CADPS: variants seen among roughly 807,000 people sequenced by gnomAD.
CADPS encodes calcium dependent secretion activator.
CADPS carries 57 observed loss-of-function variants against 167.3 expected under a neutral mutation model. That is an observed-to-expected ratio of 0.34 (90% CI 0.28 to 0.42). CADPS has a LOEUF of 0.42. Among genes scored for constraint, CADPS ranks in the 20% least tolerant of loss-of-function variants. The pLI is 1.00. For synonymous variants in CADPS, 676 were observed against 635.3 expected (o/e 1.06, Z -0.96); for missense variants, 1,414 against 1,738.1 (o/e 0.81, Z 3.32).
At chr3:62,557,329 C>T in intron 10 of CADPS, 76 bp downstream of exon 10, 2 of 978,814 alleles carry the variant, frequency 2.0e-6, no homozygotes, top group South Asian at 1.3e-5. Flanking sequence ...AGTAAGTGCC[C>T]AGCAATTATT....
rs767413788 is a variant in CADPS at position 62,875,036 on chromosome 3, G to C, written c.-7C>G. On this transcript the variant is annotated 5_prime_UTR_variant, in exon 1 of 30. Coordinates refer to ENST00000383710, the MANE Select transcript of CADPS (RefSeq NM_003716.4). ...TGGACGAAGGGTCCAGCATAGTGGC[G>C]CCTGGGGAGCGGGGTCTCTGGAGCC... 1 of 1,580,778 alleles carries C rather than the reference G, an allele frequency of 6.3e-7. No homozygotes were observed. The highest frequency in any genetic ancestry group is 1.7e-5 in the Admixed American group (1 of 57,602).
At chr3:62,567,832 C>G (rs951445884) in intron 9 of CADPS, among the ~76,000 whole-genome samples, 2 of 152,106 alleles carry the variant, frequency 1.3e-5, no homozygotes, top group Admixed American at 6.6e-5. Flanking sequence ...TCCTCAGCTT[C>G]TCAAAGTGCT....
At chr3:62,762,104 G>T (rs1306043321) in intron 2 of CADPS, among the ~76,000 whole-genome samples, 1 of 152,096 alleles carries the variant, frequency 6.6e-6, no homozygotes, top group South Asian at 2.1e-4. Context: ...AGATGGAAAA[G>T]GAATAGCACC....
At chr3:62,435,975 A>C (rs1214845552) in intron 28 of CADPS, among the ~76,000 whole-genome samples, 1 of 152,060 alleles carries the variant, frequency 6.6e-6, no homozygotes, top group Non-Finnish European at 1.5e-5. Flanking sequence ...TAATTAATTA[A>C]TTAATTAATT....
At chr3:62,862,942 G>A (rs1054078191) in intron 1 of CADPS, among the ~76,000 whole-genome samples, 4 of 152,112 alleles carry the variant, frequency 2.6e-5, no homozygotes, top group Admixed American at 6.5e-5. Flanking sequence ...TTTATAACTC[G>A]TCTCACATAT....
At chr3:62,579,207 G>T (rs1578155517) in intron 8 of CADPS, among the ~76,000 whole-genome samples, 1 of 152,310 alleles carries the variant, frequency 6.6e-6, no homozygotes, top group South Asian at 2.1e-4. Context: ...CTCAGTTAAG[G>T]TTGGATCGAA....
At chr3:62,807,062 T>C (rs778976363) in intron 1 of CADPS, among the ~76,000 whole-genome samples, 25 of 152,324 alleles carry the variant, frequency 1.6e-4, no homozygotes, top group Non-Finnish European at 2.9e-4. Context: ...TTTCATGATA[T>C]ATTATTGCAC....
chr3:62,850,057 ATT>A (rs1200679284), intron 1 of CADPS, among the ~76,000 whole-genome samples: 2 of 109,928 alleles, frequency 1.8e-5, no homozygotes, highest in Admixed American at 1.8e-4. Flanking sequence ...TTTCTAGTTT[ATT>A]TGTGTAGAGG....
intron 21 of CADPS, among the ~76,000 whole-genome samples, chr3:62,486,871 T>C (rs1277833705): frequency 1.3e-5 from 2 of 152,202 alleles, no homozygotes; most frequent in East Asian, 3.9e-4. Flanking sequence ...TTATACATGC[T>C]TTTAATTACA....
At chr3:62,609,231 T>C (rs76306299) in intron 6 of CADPS, among the ~76,000 whole-genome samples, 13 of 151,292 alleles carry the variant, frequency 8.6e-5, no homozygotes, top group Middle Eastern at 3.4e-3. Context: ...TTTTTTTTTT[T>C]CTTTTTTGTG....
intron 3 of CADPS, among the ~76,000 whole-genome samples, chr3:62,671,278 T>TG (rs2150772222): frequency 6.6e-6 from 1 of 152,072 alleles, no homozygotes; most frequent in South Asian, 2.1e-4. Context: ...GATACAGCTG[T>TG]GTTTTTTTTT....
chr3:62,571,739 T>G (rs1317683086), intron 8 of CADPS, among the ~76,000 whole-genome samples: 2 of 152,080 alleles, frequency 1.3e-5, no homozygotes, highest in African/African-American at 2.4e-5. Context: ...TAATTTTGTA[T>G]TTTTGATAGA....
chr3:62,674,121 T>C (rs994038576), intron 3 of CADPS, among the ~76,000 whole-genome samples: 2 of 152,196 alleles, frequency 1.3e-5, no homozygotes, highest in African/African-American at 2.4e-5. Context: ...TTTGTGAATG[T>C]GTACGTGCAT....
At chr3:62,721,431 AAAGTT>A (rs2075812875) in intron 3 of CADPS, among the ~76,000 whole-genome samples, 1 of 152,174 alleles carries the variant, frequency 6.6e-6, no homozygotes, top group African/African-American at 2.4e-5. Context: ...CAACAGTAGG[AAAGTT>A]GGAAAATTGA....
intron 24 of CADPS, among the ~76,000 whole-genome samples, chr3:62,470,209 T>C (rs886911649): frequency 6.6e-6 from 1 of 152,196 alleles, no homozygotes; most frequent in East Asian, 1.9e-4. Flanking sequence ...TATTACCCAA[T>C]GATGAAATCC....
At position 62,455,274 on chromosome 3, in the gene CADPS, C is replaced by G. The variant is rs1033548435; in HGVS notation, c.3637-9477G>C. 6.6e-5 allele frequency among the ~76,000 whole-genome samples: 10 copies of G among 152,042 alleles called. No homozygotes were observed. Among genetic ancestry groups the G allele is most frequent in the Non-Finnish European group, 1.3e-4 (9 of 68,008 alleles). ...GGCTCAAGGGCTCCCTCAGACCCAG[C>G]CTCTTAACACTGCTGATACTTAACA... On this transcript the variant is annotated intron_variant, in intron 26 of 29. Coordinates refer to ENST00000383710, the MANE Select transcript of CADPS (RefSeq NM_003716.4). This position sits in a 1 kb window ranked among gnomAD's most constrained non-coding sequence, Gnocchi z 4.4.
At chr3:62,755,143 T>G (rs765984290) in intron 2 of CADPS, among the ~76,000 whole-genome samples, 3 of 152,122 alleles carry the variant, frequency 2.0e-5, no homozygotes, top group Admixed American at 6.5e-5. Flanking sequence ...TAGCTCAAAT[T>G]GTCTGACTAC....
chr3:62,715,338 G>A (rs1310009580), intron 3 of CADPS, among the ~76,000 whole-genome samples: 2 of 150,416 alleles, frequency 1.3e-5, no homozygotes, highest in Admixed American at 1.3e-4. Context: ...ATGAGGTTTT[G>A]CCATGTTGGC....
chr3:62,695,341 G>A (rs2080066594), intron 3 of CADPS, among the ~76,000 whole-genome samples: 1 of 152,050 alleles, frequency 6.6e-6, no homozygotes. Flanking sequence ...ATATTTATTT[G>A]ACATATTTTG....
Sources: gnomAD v4.1 joint callset for allele counts (sites outside exome capture counted in the v4.1 genomes callset) on GRCh38, gnomAD v4.1.1 for gene constraint, Gnocchi (gnomAD v3.1) non-coding constraint, MANE v1.5 for transcripts, NCBI Gene and HGNC (gene_info 2026-07-23, HGNC 2026-07-21) for gene names.